The following DTD1 variants were observed in gnomAD, a reference collection of about 807,000 sequenced individuals.
The protein encoded by DTD1 is D-tyrosyl-tRNA deacylase 1 homolog.
Under a neutral mutation model 25.6 loss-of-function variants are expected in DTD1, and 13 were observed. The ratio of observed to expected loss-of-function variants is 0.51; its 90% CI spans 0.33 to 0.81. The LOEUF (loss-of-function observed/expected upper bound fraction) is 0.81, where lower values mean the gene tolerates loss of function less well. Among genes scored for constraint, DTD1 ranks in the 30% least tolerant of loss-of-function variants. The pLI is 0.02. For missense variants in DTD1, 193 were observed against 266.4 expected, an observed-to-expected ratio of 0.72 and a Z score of 1.92; for synonymous variants, 110 against 103.6, an observed-to-expected ratio of 1.06 and a Z score of -0.37.
At chr20:18,758,599 T>A (rs2061348476) in intron 5 of DTD1, among the ~76,000 whole-genome samples, 1 of 152,254 alleles carries the variant, frequency 6.6e-6, no homozygotes, top group African/African-American at 2.4e-5. Flanking sequence ...AGTTTCTGAA[T>A]CCTGAGTTCT....
At chr20:18,649,970 TGG>T (rs1214097975) in intron 4 of DTD1, among the ~76,000 whole-genome samples, 2 of 152,216 alleles carry the variant, frequency 1.3e-5, no homozygotes, top group African/African-American at 4.8e-5. Context: ...TCCAGTACTT[TGG>T]GAGGTGGAGG....
chr20:18,619,086 CT>C (rs765605464), intron 3 of DTD1, among the ~76,000 whole-genome samples: 85 of 152,162 alleles, frequency 5.6e-4, no homozygotes, highest in Admixed American at 7.9e-4. Context: ...CTCAAGCCGT[CT>C]TCCCACCTTA....
chr20:18,696,217 G>T (rs1452878820), intron 4 of DTD1, among the ~76,000 whole-genome samples: 1 of 152,048 alleles, frequency 6.6e-6, no homozygotes, highest in Non-Finnish European at 1.5e-5. Flanking sequence ...GGCCTCATAT[G>T]TCACCTTCCT....
chr20:18,634,864 G>C (rs994584796), intron 4 of DTD1, among the ~76,000 whole-genome samples: 1 of 152,162 alleles, frequency 6.6e-6, no homozygotes, highest in Non-Finnish European at 1.5e-5. Flanking sequence ...CTTCTACCAG[G>C]TGGCCCCATC....
intron 4 of DTD1, among the ~76,000 whole-genome samples, chr20:18,657,516 A>C (rs2060895379): frequency 6.6e-6 from 1 of 152,206 alleles, no homozygotes; most frequent in African/African-American, 2.4e-5. Context: ...GGTTGCCCAA[A>C]TGTGGGCTTG....
At chr20:18,647,843 G>A (rs2060856043) in intron 4 of DTD1, among the ~76,000 whole-genome samples, 3 of 152,176 alleles carry the variant, frequency 2.0e-5, no homozygotes, top group Admixed American at 2.0e-4. Flanking sequence ...GCAAGGTAAA[G>A]GAGGCAGAAA....
Position 18,595,999 on chromosome 20 carries a change from C to T in DTD1, c.135-7C>T. 5.0e-6 allele frequency: 8 copies of T among 1,613,288 alleles called. No homozygotes were observed. The highest frequency in any genetic ancestry group is 6.8e-6 in the Non-Finnish European group (8 of 1,179,328). ...CAGGTAGCTCTCACTGCTCTTTTTCCCCTTAGGGTCCGAAAGATTCTAAAC... is the reference window on the plus strand; with the variant it reads ...CAGGTAGCTCTCACTGCTCTTTTTCTCCTTAGGGTCCGAAAGATTCTAAAC... On this transcript the variant is annotated splice_polypyrimidine_tract_variant and splice_region_variant and intron_variant, in intron 2 of 5. Transcript: ENST00000377452.
intron 4 of DTD1, among the ~76,000 whole-genome samples, chr20:18,721,492 G>A (rs930151015): frequency 2.0e-5 from 3 of 152,180 alleles, no homozygotes; most frequent in Admixed American, 2.0e-4. Flanking sequence ...ATGTAGAAGT[G>A]AGCTTAGTTT....
intron 1 of DTD1, among the ~76,000 whole-genome samples, chr20:18,591,993 C>T (rs1335859473): frequency 6.6e-6 from 1 of 152,136 alleles, no homozygotes; most frequent in Non-Finnish European, 1.5e-5. Flanking sequence ...TTAAGCATTA[C>T]TGATATTTCA....
At chr20:18,670,620 T>C (rs1391007390) in intron 4 of DTD1, among the ~76,000 whole-genome samples, 1 of 152,236 alleles carries the variant, frequency 6.6e-6, no homozygotes, top group African/African-American at 2.4e-5. Context: ...ATATTTGCTT[T>C]TGATTAGAGT....
intron 4 of DTD1, among the ~76,000 whole-genome samples, chr20:18,712,509 TATTC>T (rs1265787117): frequency 6.6e-6 from 1 of 152,146 alleles, no homozygotes; most frequent in Non-Finnish European, 1.5e-5. Context: ...TTTAGCTGGC[TATTC>T]ATTTACAATG....
rs192347206 is a variant in DTD1 at position 18,753,437 on chromosome 20, G to A, written c.*19+9166G>A. ...AGCCTGCCCAACATGGTGAAACCCC[G>A]TCTCTACAAAAAATACAAAAATTAG... On this transcript the variant is annotated intron_variant, in intron 5 of 5. Coordinates refer to ENST00000377452, the MANE Select transcript of DTD1 (RefSeq NM_080820.6). Among the ~76,000 whole-genome samples the A allele has an allele frequency of 3.3e-5, 5 of 151,820 alleles. No individual in the cohort carries two copies. The East Asian group carries it at 7.7e-4, about 24-fold the overall frequency.
chr20:18,726,274 G>T (rs555670587), intron 4 of DTD1, among the ~76,000 whole-genome samples: 2 of 152,108 alleles, frequency 1.3e-5, no homozygotes, highest in Non-Finnish European at 2.9e-5. Context: ...TTCAGGCTTC[G>T]TCAAGTGCAT....
intron 4 of DTD1, among the ~76,000 whole-genome samples, chr20:18,654,103 G>C (rs1227798859): frequency 6.6e-6 from 1 of 152,208 alleles, no homozygotes; most frequent in African/African-American, 2.4e-5. Context: ...GAATTTCTCA[G>C]ACCAGTGGGT....
chr20:18,741,980 C>T (rs1444616433), intron 4 of DTD1, among the ~76,000 whole-genome samples: 3 of 149,746 alleles, frequency 2.0e-5, no homozygotes, highest in Admixed American at 1.3e-4. Flanking sequence ...CCCAAGCAGT[C>T]GCCCACCTTG....
At chr20:18,741,563 A>G (rs2061278327) in intron 4 of DTD1, among the ~76,000 whole-genome samples, 1 of 152,112 alleles carries the variant, frequency 6.6e-6, no homozygotes, top group Admixed American at 6.5e-5. Flanking sequence ...TAACTAGTGT[A>G]TTGAAGTTGG....
At chr20:18,697,738 G>A (rs1224295657) in intron 4 of DTD1, among the ~76,000 whole-genome samples, 10 of 152,210 alleles carry the variant, frequency 6.6e-5, no homozygotes, top group Admixed American at 2.0e-4. Context: ...AGGCCGGAGT[G>A]CAGTGGCGCT....
intron 5 of DTD1, among the ~76,000 whole-genome samples, chr20:18,751,493 CTT>C (rs778107166): frequency 2.0e-4 from 29 of 144,874 alleles, no homozygotes; most frequent in Non-Finnish European, 3.8e-4. Flanking sequence ...CTTAAATAGT[CTT>C]TTTTTTTTTT....
chr20:18,750,322 GAC>G (rs1215709393), intron 5 of DTD1, among the ~76,000 whole-genome samples: 1 of 152,166 alleles, frequency 6.6e-6, no homozygotes, highest in African/African-American at 2.4e-5. Context: ...AATGGTGACA[GAC>G]AGAAGGTGAC....
Sources: allele counts gnomAD v4.1 joint callset (sites outside exome capture counted in the v4.1 genomes callset), GRCh38; gene constraint gnomAD v4.1.1; transcripts MANE v1.5; gene names NCBI Gene and HGNC (gene_info 2026-07-23, HGNC 2026-07-21).